Variants in TNS3 observed in about 807,000 individuals in gnomAD.
TNS3 encodes the protein tensin-3.
A neutral mutation model predicts 140.9 loss-of-function variants in TNS3; 45 were observed. The ratio of observed to expected loss-of-function variants is 0.32; its 90% CI spans 0.25 to 0.41. TNS3 has a LOEUF of 0.41. Ranked by LOEUF, TNS3 falls within the 10% of genes least tolerant of loss-of-function variation. The probability of loss-of-function intolerance (pLI) is 1.00; values close to 1 mark genes in which losing one functional copy is unlikely to be tolerated. For synonymous variants in TNS3, 815 were observed against 788.4 expected (o/e 1.03, Z -0.56); for missense variants, 1,716 against 1,906.7 (o/e 0.90, Z 1.86).
chr7:47,580,186 G>A (rs1784494467), intron 1 of TNS3, among the ~76,000 whole-genome samples: 1 of 152,166 alleles, frequency 6.6e-6, no homozygotes, highest in Non-Finnish European at 1.5e-5. Flanking sequence ...CGCAGCAGCA[G>A]CCAGGAACAG....
At chr7:47,570,338 G>T (rs1052597274) in intron 1 of TNS3, among the ~76,000 whole-genome samples, 1 of 152,210 alleles carries the variant, frequency 6.6e-6, no homozygotes, top group Non-Finnish European at 1.5e-5. Flanking sequence ...CTTTTGTGCT[G>T]AAGTCACAGC....
chr7:47,548,555 TG>T (rs1799982620), intron 1 of TNS3, among the ~76,000 whole-genome samples: 1 of 152,196 alleles, frequency 6.6e-6, no homozygotes, highest in Non-Finnish European at 1.5e-5. Flanking sequence ...CATCTCCTGA[TG>T]CATTTTCTTC....
At chr7:47,517,597 G>T (rs373017454) in intron 2 of TNS3, among the ~76,000 whole-genome samples, 9 of 152,174 alleles carry the variant, frequency 5.9e-5, no homozygotes, top group Non-Finnish European at 8.8e-5. Context: ...GAAACATTTT[G>T]TAAGCCTATA....
chr7:47,501,379 C>T (rs78616221), intron 3 of TNS3, among the ~76,000 whole-genome samples: 4,302 of 152,264 alleles, frequency 0.028, 191 homozygotes, highest in African/African-American at 0.097. Context: ...ATGAGCTTCA[C>T]CAGATTCCAT....
intron 13 of TNS3, among the ~76,000 whole-genome samples, chr7:47,410,049 A>G (rs1793680935): frequency 6.6e-6 from 1 of 152,154 alleles, no homozygotes. Context: ...ATACAGACTC[A>G]GGCCCTTCGT....
chr7:47,518,993 T>A (rs2151912998), intron 2 of TNS3, among the ~76,000 whole-genome samples: 1 of 152,276 alleles, frequency 6.6e-6, no homozygotes, highest in East Asian at 1.9e-4. Context: ...GATGAAGCAC[T>A]CAAGAGCTGA....
At chr7:47,320,230 G>A (rs889522898) in intron 20 of TNS3, among the ~76,000 whole-genome samples, 6 of 152,140 alleles carry the variant, frequency 3.9e-5, no homozygotes, top group Non-Finnish European at 7.3e-5. Flanking sequence ...TGAGGAGGCC[G>A]AGGCTTCAGC....
intron 2 of TNS3, among the ~76,000 whole-genome samples, chr7:47,512,373 C>A (rs916123047): frequency 6.6e-6 from 1 of 152,234 alleles, no homozygotes; most frequent in Non-Finnish European, 1.5e-5. Flanking sequence ...CTCTGGCACA[C>A]ATTTCCCCTT....
chr7:47,377,019 G>A (rs961557581), intron 16 of TNS3, among the ~76,000 whole-genome samples: 1 of 152,162 alleles, frequency 6.6e-6, no homozygotes, highest in Non-Finnish European at 1.5e-5. Flanking sequence ...CAGGAGCCAT[G>A]GATATGCCAG....
intron 6 of TNS3, among the ~76,000 whole-genome samples, chr7:47,437,600 A>C (rs138158860): frequency 0.019 from 2,864 of 151,526 alleles, 45 homozygotes; most frequent in Middle Eastern, 0.041. Context: ...AAAAACAAAT[A>C]AAATAAATAA....
chr7:47,527,749 A>G (rs1327256232), intron 2 of TNS3, among the ~76,000 whole-genome samples: 4 of 152,138 alleles, frequency 2.6e-5, no homozygotes, highest in Non-Finnish European at 5.9e-5. Flanking sequence ...TGTCTCTAAA[A>G]AAGTAAGAAA....
At chr7:47,444,567 C>CAGGAGGGA (rs112167564) in intron 4 of TNS3, among the ~76,000 whole-genome samples, 15 of 152,278 alleles carry the variant, frequency 9.9e-5, no homozygotes, top group African/African-American at 3.6e-4. Context: ...GCCCTGACGG[C>CAGGAGGGA]AGGAGGGAAG....
rs969875964 is a variant in TNS3 at position 47,347,337 on chromosome 7, G to A, written c.2282-981C>T. 2.6e-5 allele frequency among the ~76,000 whole-genome samples: 4 copies of A among 152,008 alleles called. No individual in the cohort carries two copies. In the East Asian group the frequency reaches 5.8e-4, roughly 22 times the overall value. ...TACATCATGATAGTGACATACAGTC[G>A]TGCTGAGTCCATGATATGCCACTGA... is the stretch of plus-strand genomic sequence containing the variant. On this transcript the variant is annotated intron_variant, in intron 17 of 30. Transcript: ENST00000311160.
intron 25 of TNS3, 85 bp downstream of exon 25, chr7:47,293,647 AT>A: frequency 8.6e-7 from 1 of 1,158,460 alleles, no homozygotes; most frequent in South Asian, 1.2e-5. Context: ...CATAAGAGTG[AT>A]AGTCCCAAAT....
chr7:47,276,911 CG>C lies in TNS3; in HGVS notation c.*1164del, dbSNP rs1277255549. ...CACAAAGAGGGCTGATAAATGCAGG[CG>C]AACTTCAGGTCGTGCAGCTTCAGGC... is the stretch of plus-strand genomic sequence containing the variant. On this transcript the variant is annotated 3_prime_UTR_variant, in exon 31 of 31. Coordinates refer to ENST00000311160, the MANE Select transcript of TNS3 (RefSeq NM_022748.12). 2 of 152,150 alleles carry C rather than the reference CG, an allele frequency of 1.3e-5. No homozygotes were observed. Among genetic ancestry groups the C allele is most frequent in the African/African-American group, 4.8e-5 (2 of 41,412 alleles). 9.4% of individuals were successfully genotyped at this position (152,150 alleles called of 1,614,324 possible).
intron 16 of TNS3, among the ~76,000 whole-genome samples, 181 bp from the exon 17 acceptor site, chr7:47,369,802 A>G (rs1028783995): frequency 2.6e-5 from 4 of 152,248 alleles, no homozygotes; most frequent in Non-Finnish European, 4.4e-5. Flanking sequence ...GAGGATGCCA[A>G]TGAAAAGGCA....
Position 47,284,116 on chromosome 7 carries a change from G to A in TNS3, c.3929-251C>T, listed in dbSNP as rs771043975. 4.6e-5 allele frequency among the ~76,000 whole-genome samples: 7 copies of A among 152,194 alleles called. 1 individual carries two copies. In the South Asian group the frequency reaches 1.2e-3, roughly 27 times the overall value. On this transcript the variant is annotated intron_variant, in intron 27 of 30. Coordinates refer to ENST00000311160, the MANE Select transcript of TNS3 (RefSeq NM_022748.12). The stretch of plus-strand genomic sequence containing the variant: ...CGAGTTACTAGAGCAAAGCAGACCC[G>A]CCTGGTGTGGCTTTGCCTTCCCACC...
At position 47,466,613 on chromosome 7, in the gene TNS3, G is replaced by C. The variant is rs1029164473; in HGVS notation, c.-76+14490C>G. Reference sequence around the variant, plus strand: ...TCAGTTGCAGATGGATCTGAGGCTGGGTCTGATTCTGGTTTGATTCTGGTG... The same window carrying C: ...TCAGTTGCAGATGGATCTGAGGCTGCGTCTGATTCTGGTTTGATTCTGGTG... On this transcript the variant is annotated intron_variant, in intron 4 of 30. Transcript: ENST00000311160. Among the ~76,000 whole-genome samples, 2 of 152,148 alleles carry C rather than the reference G, an allele frequency of 1.3e-5. 1 individual carries two copies. Among genetic ancestry groups the C allele is most frequent in the Non-Finnish European group, 2.9e-5 (2 of 68,026 alleles).
At chr7:47,559,481 C>A (rs536422025) in intron 1 of TNS3, among the ~76,000 whole-genome samples, 7 of 152,172 alleles carry the variant, frequency 4.6e-5, no homozygotes, top group Admixed American at 4.6e-4. Context: ...GTGCCCTTGG[C>A]GAGTTCCAAG....
Sources: gnomAD v4.1 joint callset for allele counts (sites outside exome capture counted in the v4.1 genomes callset) on GRCh38, gnomAD v4.1.1 for gene constraint, MANE v1.5 for transcripts, NCBI Gene and HGNC (gene_info 2026-07-23, HGNC 2026-07-21) for gene names.